FAM135B: variants seen among roughly 807,000 people sequenced by gnomAD.
FAM135B encodes protein FAM135B.
Under a neutral mutation model 127.7 loss-of-function variants are expected in FAM135B, and 43 were observed. The ratio of observed to expected loss-of-function variants is 0.34; its 90% CI spans 0.26 to 0.43. The LOEUF (loss-of-function observed/expected upper bound fraction) is 0.43, where lower values mean the gene tolerates loss of function less well. FAM135B is among the 20% of genes least tolerant of loss of function. The probability of loss-of-function intolerance (pLI) is 1.00; values close to 1 mark genes in which losing one functional copy is unlikely to be tolerated. For synonymous variants in FAM135B, 670 were observed against 665.1 expected, an observed-to-expected ratio of 1.01 and a Z score of -0.11; for missense variants, 1,558 against 1,725.6, an observed-to-expected ratio of 0.90 and a Z score of 1.72.
At chr8:138,328,737 C>T (rs1827975675) in intron 2 of FAM135B, among the ~76,000 whole-genome samples, 1 of 152,156 alleles carries the variant, frequency 6.6e-6, no homozygotes. Flanking sequence ...GAGTCATCAC[C>T]TCCCAGCTTA....
chr8:138,308,020 A>C (rs1243092415), intron 3 of FAM135B, among the ~76,000 whole-genome samples: 2 of 152,146 alleles, frequency 1.3e-5, no homozygotes, highest in South Asian at 4.1e-4. Flanking sequence ...AGTGCTTCCA[A>C]TGAACGGCGA....
intron 3 of FAM135B, among the ~76,000 whole-genome samples, chr8:138,280,817 A>T (rs1357636347): frequency 6.6e-6 from 1 of 152,150 alleles, no homozygotes; most frequent in African/African-American, 2.4e-5. Context: ...TGTCTCCCCA[A>T]GGGAAAGTGA....
chr8:138,451,245 C>T (rs978658828), intron 1 of FAM135B, among the ~76,000 whole-genome samples: 1 of 152,164 alleles, frequency 6.6e-6, no homozygotes, highest in Non-Finnish European at 1.5e-5. Flanking sequence ...CATATTCTTC[C>T]AAACCACTCC....
intron 3 of FAM135B, among the ~76,000 whole-genome samples, chr8:138,283,249 C>T (rs748319148): frequency 1.7e-4 from 26 of 152,096 alleles, no homozygotes; most frequent in Admixed American, 3.3e-4. Flanking sequence ...AACTGTGGTA[C>T]GTCCATACAA....
intron 1 of FAM135B, among the ~76,000 whole-genome samples, chr8:138,468,919 C>G (rs12677046): frequency 0.48 from 72,516 of 151,854 alleles, 18,303 homozygotes; most frequent in East Asian, 0.84. Context: ...GTGGCGCATG[C>G]CTGTAATTCC....
rs777143164 is a variant in FAM135B, at chr8:138,151,876, T to G, written c.2599A>C (p.Thr867Pro). The G allele has an allele frequency of 1.2e-6, 2 of 1,613,930 alleles. No homozygotes were observed. The highest frequency in any genetic ancestry group is 1.1e-5 in the South Asian group (1 of 91,088). ...GTTTCAACACCTGGAGTGTTCTCAG[T>G]CCTGCCATCAGGAAGACAGTGTCCT... ...AQGHCLPDGRTENTPGVETKG... is the reference protein window; with the variant it reads ...AQGHCLPDGRPENTPGVETKG... Residue 867 changes from threonine to proline, a missense_variant, in exon 13 of 20, where the codon ACT becomes CCT. Thr to Pro is a conservative substitution (Grantham distance 38, BLOSUM62 -1). Around this residue, in one of 5 missense-constraint regions of FAM135B, gnomAD observed 923 missense variants for 865.3 expected, o/e 1.07. Coordinates refer to ENST00000395297, the MANE Select transcript of FAM135B (RefSeq NM_015912.4).
At chr8:138,322,755 A>C (rs1410083439) in intron 2 of FAM135B, among the ~76,000 whole-genome samples, 2 of 152,118 alleles carry the variant, frequency 1.3e-5, no homozygotes, top group Non-Finnish European at 2.9e-5. Context: ...GAGCTGTCAC[A>C]CTGCTCTTCC....
chr8:138,386,314 T>C (rs1373636100), intron 1 of FAM135B, among the ~76,000 whole-genome samples: 1 of 151,774 alleles, frequency 6.6e-6, no homozygotes, highest in African/African-American at 2.4e-5. Flanking sequence ...CATGTTTTTG[T>C]GGAAGAAAAT....
At chr8:138,443,676 G>A (rs1213119437) in intron 1 of FAM135B, among the ~76,000 whole-genome samples, 2 of 152,184 alleles carry the variant, frequency 1.3e-5, no homozygotes, top group Non-Finnish European at 2.9e-5. Context: ...ACAAATGACA[G>A]GGTGTATGGA....
chr8:138,244,700 G>A (rs1318194538), intron 6 of FAM135B, among the ~76,000 whole-genome samples: 2 of 152,214 alleles, frequency 1.3e-5, no homozygotes, highest in African/African-American at 2.4e-5. Flanking sequence ...AGTATAAAGT[G>A]TCTATGTGAA....
intron 7 of FAM135B, among the ~76,000 whole-genome samples, chr8:138,216,514 G>A (rs1234418022): frequency 2.0e-5 from 3 of 152,164 alleles, no homozygotes; most frequent in African/African-American, 7.2e-5. Flanking sequence ...GCAGGTAAGG[G>A]GTGCTGGGTA....
At chr8:138,398,236 G>A (rs908499592) in intron 1 of FAM135B, among the ~76,000 whole-genome samples, 19 of 152,314 alleles carry the variant, frequency 1.2e-4, no homozygotes, top group African/African-American at 4.6e-4. Context: ...CCCCAGCAAG[G>A]TGCTTGACCC....
Position 138,241,460 on chromosome 8 carries a change from AC to A in FAM135B, c.669+1481del, listed in dbSNP as rs1180101103. Among the ~76,000 whole-genome samples the A allele has an allele frequency of 6.6e-6, 1 of 152,104 alleles. No individual in the cohort carries two copies. Among genetic ancestry groups the A allele is most frequent in the African/African-American group, 2.4e-5 (1 of 41,406 alleles). On this transcript the variant is annotated intron_variant, in intron 7 of 19. Coordinates refer to ENST00000395297, the MANE Select transcript of FAM135B (RefSeq NM_015912.4). This position sits in a 1 kb window ranked among gnomAD's most constrained non-coding sequence, Gnocchi z 4.8. The stretch of plus-strand genomic sequence containing the variant: ...ACAACTCTTTTCTTTGCTTCTCAGG[AC>A]CATAAAATCATGTGACACAGCAGCT...
chr8:138,266,235 T>C (rs192761742), intron 3 of FAM135B, among the ~76,000 whole-genome samples: 1 of 152,262 alleles, frequency 6.6e-6, no homozygotes, highest in Admixed American at 6.5e-5. Context: ...GAAAACACCC[T>C]TCCTTCTACA....
At chr8:138,140,321 G>A (rs760438859) in intron 17 of FAM135B, among the ~76,000 whole-genome samples, 7 of 152,234 alleles carry the variant, frequency 4.6e-5, no homozygotes, top group Non-Finnish European at 7.3e-5. Flanking sequence ...GCAGGGACAA[G>A]GAAGCTTATC....
At chr8:138,163,260 A>T (rs1563713697) in intron 12 of FAM135B, among the ~76,000 whole-genome samples, 1 of 152,210 alleles carries the variant, frequency 6.6e-6, no homozygotes, top group African/African-American at 2.4e-5. Flanking sequence ...ACTCAAAACC[A>T]GACAATCTGA....
intron 3 of FAM135B, among the ~76,000 whole-genome samples, chr8:138,302,689 C>A (rs1163240672): frequency 6.6e-6 from 1 of 152,210 alleles, no homozygotes; most frequent in Non-Finnish European, 1.5e-5. Flanking sequence ...CCCTCCTGAG[C>A]CCTGAGTCCC....
chr8:138,336,043 G>A (rs1828554518), intron 2 of FAM135B, among the ~76,000 whole-genome samples: 1 of 152,080 alleles, frequency 6.6e-6, no homozygotes, highest in Non-Finnish European at 1.5e-5. Flanking sequence ...AAATAAAGAT[G>A]TTCTTTGAAA....
intron 7 of FAM135B, among the ~76,000 whole-genome samples, chr8:138,207,438 G>A (rs1345479156): frequency 6.6e-6 from 1 of 151,858 alleles, no homozygotes; most frequent in East Asian, 1.9e-4. Context: ...TTGAACTCCC[G>A]ACCTCAAATG....
Sources: allele counts gnomAD v4.1 joint callset (sites outside exome capture counted in the v4.1 genomes callset), GRCh38; gene constraint gnomAD v4.1.1; regional missense constraint gnomAD v4.1.1; non-coding constraint Gnocchi (gnomAD v3.1); transcripts MANE v1.5; gene names NCBI Gene and HGNC (gene_info 2026-07-23, HGNC 2026-07-21).